GRIK4: variants seen among roughly 807,000 people sequenced by gnomAD.
GRIK4 encodes the protein glutamate receptor ionotropic, kainate 4.
In GRIK4, 40 loss-of-function variants were observed where a neutral mutation model predicts 104.9. The ratio of observed to expected loss-of-function variants is 0.38; its 90% CI spans 0.30 to 0.50. The LOEUF (loss-of-function observed/expected upper bound fraction) is 0.50. Ranked by LOEUF, GRIK4 falls within the 20% of genes least tolerant of loss-of-function variation. The pLI is 0.93. For synonymous variants in GRIK4, 485 were observed against 524.9 expected, an observed-to-expected ratio of 0.92 and a Z score of 1.04; for missense variants, 1,047 against 1,308.1, an observed-to-expected ratio of 0.80 and a Z score of 3.08.
At chr11:120,768,397 T>C (rs73576568) in intron 3 of GRIK4, among the ~76,000 whole-genome samples, 4,691 of 152,292 alleles carry the variant, frequency 0.031, 191 homozygotes, top group African/African-American at 0.089. Flanking sequence ...TTGTTTATTT[T>C]GTATACTGCA....
intron 13 of GRIK4, among the ~76,000 whole-genome samples, chr11:120,912,660 A>G (rs17124538): frequency 0.074 from 11,261 of 152,276 alleles, 517 homozygotes; most frequent in African/African-American, 0.13. Flanking sequence ...GGGAATACTC[A>G]TTAAAGTCAT....
chr11:120,900,636 A>G (rs1422684267), intron 12 of GRIK4, among the ~76,000 whole-genome samples: 2 of 152,246 alleles, frequency 1.3e-5, no homozygotes, highest in East Asian at 1.9e-4. Context: ...GGTGATGTTG[A>G]TACCCAGGGG....
At chr11:120,844,086 A>G (rs1278259457) in intron 8 of GRIK4, among the ~76,000 whole-genome samples, 3 of 152,186 alleles carry the variant, frequency 2.0e-5, no homozygotes, top group Non-Finnish European at 4.4e-5. Flanking sequence ...AAGGTTTATC[A>G]GAGAGATTAG....
Position 120,956,947 on chromosome 11 carries a change from G to A in GRIK4, c.1868G>A (p.Gly623Asp). ...GCCTTATCCACCCGCTGTGTCAGTGGCGTCTGGTAAGGCCCCAGGCAGAGG... is the reference window on the plus strand; with the variant it reads ...GCCTTATCCACCCGCTGTGTCAGTGACGTCTGGTAAGGCCCCAGGCAGAGG... ...PRALSTRCVS[G>D]VWWAFTLIII... Residue 623 changes from glycine (G) to aspartate (D), a missense_variant, in exon 16 of 21, where the codon GGC becomes GAC. Transcript: ENST00000527524. The surrounding 1 kb of genome is among the most constrained non-coding windows in gnomAD (Gnocchi z 4.6). 6.2e-7 allele frequency: 1 copy of A among 1,606,400 alleles called. No homozygotes were observed. The highest frequency in any genetic ancestry group is 1.1e-5 in the South Asian group (1 of 89,556).
Position 120,905,777 on chromosome 11 carries a change from A to G in GRIK4, c.1476+284A>G, listed in dbSNP as rs898083202. Among the ~76,000 whole-genome samples the G allele has an allele frequency of 1.3e-5, 2 of 152,052 alleles. No homozygotes were observed. Among genetic ancestry groups the G allele is most frequent in the African/African-American group, 2.4e-5 (1 of 41,380 alleles). ...ACACAGATGAGGGAGTTTGGGTTCC[A>G]TTTTTGGTGCTTTTTGATTGTTCTG... On this transcript the variant is annotated intron_variant, in intron 13 of 20. Coordinates refer to ENST00000527524, the MANE Select transcript of GRIK4 (RefSeq NM_014619.5). The surrounding 1 kb of genome is among the most constrained non-coding windows in gnomAD (Gnocchi z 5.1).
At chr11:120,954,831 AAAC>A (rs1269585034) in intron 15 of GRIK4, among the ~76,000 whole-genome samples, 8 of 2,958 alleles carry the variant, frequency 2.7e-3, no homozygotes, top group Non-Finnish European at 4.1e-3. Flanking sequence ...ACACACACAC[AAAC>A]AATACTGGAG....
chr11:120,692,281 G>A lies in GRIK4; in HGVS notation c.82+31881G>A, dbSNP rs149257267. On this transcript the variant is annotated intron_variant, in intron 3 of 20. Transcript: ENST00000527524. Reference sequence around the variant, plus strand: ...TCCAGGGCATACTCAGCACCAGGAAGATTTTTAAGGCTCTGCTTCTCAGAA... The same window carrying A: ...TCCAGGGCATACTCAGCACCAGGAAAATTTTTAAGGCTCTGCTTCTCAGAA... Among the ~76,000 whole-genome samples, 781 of 152,370 alleles carry A rather than the reference G, an allele frequency of 5.1e-3. 6 individuals carry two copies. Among genetic ancestry groups the A allele is most frequent in the Middle Eastern group, 0.01 (3 of 294 alleles).
At chr11:120,681,556 A>G (rs752431258) in intron 3 of GRIK4, among the ~76,000 whole-genome samples, 5 of 152,200 alleles carry the variant, frequency 3.3e-5, no homozygotes, top group Non-Finnish European at 7.4e-5. Flanking sequence ...TTAAGTGCCA[A>G]TTAGCTGCTG....
At chr11:120,972,272 G>A (rs1288522566) in intron 19 of GRIK4, among the ~76,000 whole-genome samples, 2 of 152,166 alleles carry the variant, frequency 1.3e-5, no homozygotes, top group South Asian at 2.1e-4. Context: ...TGTGGCACAC[G>A]GAAAGCTGGT....
At chr11:120,550,800 T>G (rs1591688544) in intron 1 of GRIK4, among the ~76,000 whole-genome samples, 2 of 149,462 alleles carry the variant, frequency 1.3e-5, no homozygotes, top group Admixed American at 6.6e-5. Context: ...CAGACTGGGG[T>G]GGTTGGAGAG....
intron 3 of GRIK4, among the ~76,000 whole-genome samples, chr11:120,744,076 C>T (rs1951388763): frequency 6.6e-6 from 1 of 152,166 alleles, no homozygotes. Flanking sequence ...GTATAATTCT[C>T]CCGGCACCCC....
chr11:120,873,716 C>T (rs767494377), intron 9 of GRIK4: 3 of 193,004 alleles, frequency 1.6e-5, no homozygotes, highest in South Asian at 3.1e-4. Context: ...CATAAGCAGC[C>T]GTGCCCTCTT....
At chr11:120,655,641 C>T (rs999781095) in intron 2 of GRIK4, among the ~76,000 whole-genome samples, 3 of 152,180 alleles carry the variant, frequency 2.0e-5, no homozygotes, top group Non-Finnish European at 2.9e-5. Context: ...CAGGTTGTTG[C>T]TGACAAATGT....
At chr11:120,917,318 G>T (rs1027184001) in intron 13 of GRIK4, among the ~76,000 whole-genome samples, 8 of 146,860 alleles carry the variant, frequency 5.4e-5, no homozygotes, top group African/African-American at 2.0e-4. Context: ...AGAAAAGAAA[G>T]CCAGGCTTTC....
Position 120,752,934 on chromosome 11 carries a change from C to T in GRIK4, c.83-49759C>T, listed in dbSNP as rs560948091. On this transcript the variant is annotated intron_variant, in intron 3 of 20. Coordinates refer to ENST00000527524, the MANE Select transcript of GRIK4 (RefSeq NM_014619.5). ...AGGGACGGAGGCAGGAGAGCACAGC[C>T]GTGGGCCTAGGCCGGAAGATGGCCT... Among the ~76,000 whole-genome samples the T allele has an allele frequency of 1.4e-3, 211 of 152,356 alleles. 1 individual carries two copies. The highest frequency in any genetic ancestry group is 4.7e-3 in the African/African-American group (197 of 41,588).
At chr11:120,878,077 A>C (rs879583644) in intron 11 of GRIK4, among the ~76,000 whole-genome samples, 2 of 152,220 alleles carry the variant, frequency 1.3e-5, no homozygotes, top group Non-Finnish European at 2.9e-5. Flanking sequence ...ATTAAGAAAC[A>C]GCGTCATCAG....
At chr11:120,726,648 G>A (rs1182574189) in intron 3 of GRIK4, among the ~76,000 whole-genome samples, 2 of 151,872 alleles carry the variant, frequency 1.3e-5, no homozygotes, top group Non-Finnish European at 2.9e-5. Flanking sequence ...TAATAGAGAT[G>A]GTATATTTTA....
intron 11 of GRIK4, among the ~76,000 whole-genome samples, chr11:120,895,231 G>T (rs1942546049): frequency 2.0e-5 from 3 of 152,152 alleles, no homozygotes; most frequent in African/African-American, 4.8e-5. Flanking sequence ...AACAGTGGCG[G>T]TGGGAAAGTG....
At chr11:120,926,748 C>A (rs1943353802) in intron 13 of GRIK4, among the ~76,000 whole-genome samples, 1 of 152,164 alleles carries the variant, frequency 6.6e-6, no homozygotes, top group Non-Finnish European at 1.5e-5. Context: ...TGGCACATGG[C>A]AGGTTCTGGA....
Sources: gnomAD v4.1 joint callset for allele counts (sites outside exome capture counted in the v4.1 genomes callset) on GRCh38, gnomAD v4.1.1 for gene constraint, Gnocchi (gnomAD v3.1) non-coding constraint, MANE v1.5 for transcripts, NCBI Gene and HGNC (gene_info 2026-07-23, HGNC 2026-07-21) for gene names.